The following KIF16B variants were observed in gnomAD, a reference collection of about 807,000 sequenced individuals.
KIF16B encodes the protein kinesin family member 16B.
In KIF16B, 98 loss-of-function variants were observed where a neutral mutation model predicts 156.3. That is an observed-to-expected ratio of 0.63 (90% confidence interval 0.53 to 0.74). The LOEUF is 0.74. KIF16B is among the 30% of genes least tolerant of loss of function. The probability of loss-of-function intolerance (pLI) is 0.00; values close to 1 mark genes in which losing one functional copy is unlikely to be tolerated. For missense variants in KIF16B, 1,421 were observed against 1,606.5 expected (o/e 0.88, Z 1.97); for synonymous variants, 564 against 583.7 (o/e 0.97, Z 0.49).
intron 25 of KIF16B, among the ~76,000 whole-genome samples, chr20:16,279,347 T>C (rs1206155760): frequency 1.3e-5 from 2 of 152,192 alleles, no homozygotes; most frequent in Non-Finnish European, 2.9e-5. Context: ...GCTGCTGTTA[T>C]GGAGCATTTT....
At chr20:16,525,365 G>A (rs544088785) in intron 3 of KIF16B, among the ~76,000 whole-genome samples, 6 of 152,190 alleles carry the variant, frequency 3.9e-5, no homozygotes, top group South Asian at 2.1e-4. Context: ...TGAAGCCTGC[G>A]TTTTTCCTTC....
chr20:16,358,941 G>A (rs1211356169), intron 22 of KIF16B, among the ~76,000 whole-genome samples: 1 of 152,174 alleles, frequency 6.6e-6, no homozygotes, highest in Non-Finnish European at 1.5e-5. Context: ...CAGAGGGTCA[G>A]GCCTTGGGAA....
intron 22 of KIF16B, chr20:16,367,874 C>T (rs778357180): frequency 6.5e-7 from 1 of 1,548,812 alleles, no homozygotes; most frequent in African/African-American, 1.4e-5. Context: ...AGCAGAAGAC[C>T]CTCTGCAGAG....
At chr20:16,555,122 A>G (rs2070801476) in intron 1 of KIF16B, among the ~76,000 whole-genome samples, 1 of 152,106 alleles carries the variant, frequency 6.6e-6, no homozygotes, top group Non-Finnish European at 1.5e-5. Context: ...GCAAAATGAC[A>G]CCCCAAGGAT....
At chr20:16,360,510 C>A (rs2064531384) in intron 22 of KIF16B, among the ~76,000 whole-genome samples, 1 of 151,994 alleles carries the variant, frequency 6.6e-6, no homozygotes, top group Non-Finnish European at 1.5e-5. Context: ...CACCTCTCTG[C>A]AAGCAGAACT....
At chr20:16,468,352 A>T (rs2067554765) in intron 12 of KIF16B, among the ~76,000 whole-genome samples, 1 of 151,924 alleles carries the variant, frequency 6.6e-6, no homozygotes, top group South Asian at 2.1e-4. Context: ...CAGATGGATC[A>T]CCTGAGGTCA....
At chr20:16,460,912 T>C (rs376891953) in intron 12 of KIF16B, among the ~76,000 whole-genome samples, 32 of 152,052 alleles carry the variant, frequency 2.1e-4, no homozygotes, top group African/African-American at 7.7e-4. Flanking sequence ...TACATACCTA[T>C]TGGGACAGTT....
intron 1 of KIF16B, among the ~76,000 whole-genome samples, chr20:16,544,624 A>AAC (rs923079246): frequency 1.3e-5 from 2 of 151,294 alleles, no homozygotes; most frequent in East Asian, 2.0e-4. Context: ...AAAAAAAAAA[A>AAC]AAAAAAACTT....
chr20:16,420,384 G>A (rs891142088), intron 15 of KIF16B, among the ~76,000 whole-genome samples: 1 of 152,148 alleles, frequency 6.6e-6, no homozygotes, highest in Non-Finnish European at 1.5e-5. Flanking sequence ...TATATGGTAA[G>A]TAATTTAGAT....
intron 1 of KIF16B, among the ~76,000 whole-genome samples, chr20:16,555,070 A>C (rs538525119): frequency 6.6e-6 from 1 of 152,334 alleles, no homozygotes; most frequent in South Asian, 2.1e-4. Flanking sequence ...GCCTGAGCAA[A>C]ACTTGGGCAA....
chr20:16,284,200 C>T (rs1217211313), intron 25 of KIF16B, among the ~76,000 whole-genome samples: 3 of 152,178 alleles, frequency 2.0e-5, no homozygotes, highest in Admixed American at 2.0e-4. Context: ...CACAGGAACA[C>T]CTGCCTGGCA....
chr20:16,406,703 A>G (rs2146275603), intron 15 of KIF16B, among the ~76,000 whole-genome samples: 1 of 152,304 alleles, frequency 6.6e-6, no homozygotes, highest in Non-Finnish European at 1.5e-5. Flanking sequence ...GAAGTGATGA[A>G]TCTAAGCATT....
chr20:16,409,967 A>AGG (rs780771433), intron 15 of KIF16B, among the ~76,000 whole-genome samples: 647 of 29,958 alleles, frequency 0.022, 86 homozygotes, highest in East Asian at 0.072. Flanking sequence ...ATATATATAT[A>AGG]TACATATATA....
chr20:16,334,472 C>T (rs527338292), intron 24 of KIF16B, among the ~76,000 whole-genome samples: 1 of 152,162 alleles, frequency 6.6e-6, no homozygotes, highest in African/African-American at 2.4e-5. Context: ...CAAATTCCCA[C>T]TTGAAGTTTC....
chr20:16,542,785 T>C (rs184640037), intron 1 of KIF16B, among the ~76,000 whole-genome samples: 4 of 152,336 alleles, frequency 2.6e-5, no homozygotes, highest in African/African-American at 9.6e-5. Flanking sequence ...TTTGGCTAAA[T>C]GGCTAAGACT....
intron 12 of KIF16B, among the ~76,000 whole-genome samples, chr20:16,455,409 G>C (rs1395769895): frequency 6.6e-6 from 1 of 151,802 alleles, no homozygotes; most frequent in African/African-American, 2.4e-5. Flanking sequence ...ACATTATCCT[G>C]CCCTTTCAGA....
chr20:16,275,237 G>A (rs906157700), intron 25 of KIF16B, among the ~76,000 whole-genome samples: 36 of 152,132 alleles, frequency 2.4e-4, no homozygotes, highest in African/African-American at 8.2e-4. Context: ...TGTATTTTTA[G>A]TAGAGACGGG....
At chr20:16,382,208 G>A in intron 17 of KIF16B, 2 of 919,156 alleles carry the variant, frequency 2.2e-6, no homozygotes, top group Non-Finnish European at 3.0e-6. Flanking sequence ...TAATAGGAAG[G>A]AATATCAGGA....
intron 24 of KIF16B, among the ~76,000 whole-genome samples, chr20:16,322,711 A>G (rs539081451): frequency 6.6e-6 from 1 of 152,124 alleles, no homozygotes; most frequent in Admixed American, 6.6e-5. Context: ...TCAAATCCTG[A>G]CTTCAATGTT....
Sources: allele counts gnomAD v4.1 joint callset (sites outside exome capture counted in the v4.1 genomes callset), GRCh38; gene constraint gnomAD v4.1.1; transcripts MANE v1.5; gene names NCBI Gene and HGNC (gene_info 2026-07-23, HGNC 2026-07-21).